Variants in INTS9 observed in about 807,000 individuals in gnomAD.
The protein encoded by INTS9 is integrator complex subunit 9.
In INTS9, 55 loss-of-function variants were observed where a neutral mutation model predicts 79.7. The ratio of observed to expected loss-of-function variants is 0.69; its 90% CI spans 0.56 to 0.86. INTS9 has a LOEUF of 0.86. Ranked by LOEUF, INTS9 falls within the 40% of genes least tolerant of loss-of-function variation. The pLI is 0.00. For missense variants in INTS9, 721 were observed against 831.5 expected, an observed-to-expected ratio of 0.87 and a Z score of 1.64; for synonymous variants, 319 against 325.2, an observed-to-expected ratio of 0.98 and a Z score of 0.20.
At chr8:28,887,140 G>A (rs1190065705) in intron 1 of INTS9, among the ~76,000 whole-genome samples, 1 of 152,176 alleles carries the variant, frequency 6.6e-6, no homozygotes, top group Admixed American at 6.5e-5. Context: ...CCCTGAAGAA[G>A]TGTTATTTAG....
intron 1 of INTS9, among the ~76,000 whole-genome samples, chr8:28,864,500 T>C (rs1318351076): frequency 1.3e-5 from 2 of 152,330 alleles, no homozygotes; most frequent in East Asian, 1.9e-4. Flanking sequence ...AAAAGTCAAA[T>C]AATTCATTGA....
intron 14 of INTS9, 128 bp downstream of exon 14, chr8:28,775,631 C>A (rs146188713): frequency 2.0e-6 from 2 of 1,008,826 alleles, no homozygotes; most frequent in African/African-American, 1.6e-5. Flanking sequence ...GGATTATAGG[C>A]GTGAGCTACT....
intron 11 of INTS9, among the ~76,000 whole-genome samples, chr8:28,786,766 A>G (rs192143): frequency 0.017 from 2,517 of 152,176 alleles, 20 homozygotes; most frequent in Non-Finnish European, 0.02. Context: ...GACCCAGGCT[A>G]GAGTGCAGTG....
chr8:28,837,775 G>A lies in INTS9; in HGVS notation c.263C>T (p.Thr88Met), dbSNP rs368909488. Residue 88 changes from threonine (T) to methionine (M), a missense_variant and splice_region_variant, in exon 5 of 17, where the codon ACG becomes ATG. Coordinates refer to ENST00000521022, the MANE Select transcript of INTS9 (RefSeq NM_018250.4). The stretch of plus-strand genomic sequence containing the variant: ...TACTGTAGACAGATCTATTAGCTCC[G>A]TCTGAAAAGAAAGGGAGGGAATGAT... ...DSVPEFCLPE[T>M]ELIDLSTVDV... The A allele has an allele frequency of 3.1e-5, 50 of 1,611,978 alleles. No homozygotes were observed. Among genetic ancestry groups the A allele is most frequent in the South Asian group, 1.8e-4 (16 of 90,940 alleles).
intron 1 of INTS9, among the ~76,000 whole-genome samples, chr8:28,881,839 C>T (rs1344719561): frequency 1.5e-4 from 21 of 138,740 alleles, no homozygotes; most frequent in African/African-American, 2.7e-4. Context: ...GTGGGGGGGT[C>T]AGCCCCCCGC....
chr8:28,771,292 C>A (rs1802524440), intron 14 of INTS9: 2 of 583,020 alleles, frequency 3.4e-6, no homozygotes, highest in African/African-American at 3.7e-5. Context: ...TCACCCTCAT[C>A]CCCTCTCCAG....
chr8:28,789,533 G>A (rs1446040264), intron 10 of INTS9, among the ~76,000 whole-genome samples: 1 of 147,670 alleles, frequency 6.8e-6, no homozygotes, highest in Non-Finnish European at 1.5e-5. Flanking sequence ...AATTGGGAAT[G>A]TGACAGACCC....
At chr8:28,857,463 G>C (rs369822202) in intron 2 of INTS9, among the ~76,000 whole-genome samples, 168 of 152,140 alleles carry the variant, frequency 1.1e-3, no homozygotes, top group African/African-American at 3.6e-3. Context: ...AGACTGGACA[G>C]GGTTTAGAAA....
intron 1 of INTS9, among the ~76,000 whole-genome samples, chr8:28,863,645 G>A (rs1431931717): frequency 1.3e-5 from 2 of 152,082 alleles, no homozygotes; most frequent in African/African-American, 4.8e-5. Flanking sequence ...GCATGGTGGC[G>A]AGTGCCTGTA....
At chr8:28,816,495 A>G (rs1659909459) in intron 6 of INTS9, among the ~76,000 whole-genome samples, 1 of 150,636 alleles carries the variant, frequency 6.6e-6, no homozygotes, top group Non-Finnish European at 1.5e-5. Context: ...ATCATTTTTT[A>G]TGGCTGCATA....
At chr8:28,868,481 G>C (rs1227001782) in intron 1 of INTS9, among the ~76,000 whole-genome samples, 2 of 152,080 alleles carry the variant, frequency 1.3e-5, no homozygotes, top group Non-Finnish European at 2.9e-5. Context: ...TAGTGTTAAT[G>C]AAGTAAGTTG....
chr8:28,870,062 C>G (rs1447035596), intron 1 of INTS9, among the ~76,000 whole-genome samples: 2 of 151,994 alleles, frequency 1.3e-5, no homozygotes, highest in African/African-American at 4.8e-5. Context: ...GCCTTCGGAA[C>G]CAACATGTTT....
intron 14 of INTS9, among the ~76,000 whole-genome samples, chr8:28,772,844 A>G (rs1411437290): frequency 6.6e-6 from 1 of 152,202 alleles, no homozygotes; most frequent in Non-Finnish European, 1.5e-5. Flanking sequence ...TTAAAATTAG[A>G]TAACAGTGTA....
chr8:28,769,696 G>T, intron 16 of INTS9, 193 bp downstream of exon 16: 1 of 655,828 alleles, frequency 1.5e-6, no homozygotes, highest in Non-Finnish European at 2.5e-6. Flanking sequence ...CTGGGAGGAA[G>T]GATGGGGCAC....
At chr8:28,840,581 G>T (rs542749754) in intron 4 of INTS9, among the ~76,000 whole-genome samples, 122 of 133,412 alleles carry the variant, frequency 9.1e-4, no homozygotes, top group Admixed American at 1.3e-3. Flanking sequence ...AGAAAATGTG[G>T]CACATATACA....
intron 1 of INTS9, among the ~76,000 whole-genome samples, chr8:28,878,426 C>T (rs535363599): frequency 6.6e-6 from 1 of 151,892 alleles, no homozygotes; most frequent in Non-Finnish European, 1.5e-5. Flanking sequence ...GGACCTCCTA[C>T]CTCAGCCTCT....
intron 1 of INTS9, among the ~76,000 whole-genome samples, chr8:28,863,377 C>A (rs1383814453): frequency 1.3e-5 from 2 of 152,166 alleles, no homozygotes; most frequent in Non-Finnish European, 2.9e-5. Flanking sequence ...CTCTCCATAT[C>A]CATGGCTTCT....
chr8:28,881,135 G>GC (rs547501405), intron 1 of INTS9, among the ~76,000 whole-genome samples: 6 of 147,378 alleles, frequency 4.1e-5, no homozygotes, highest in East Asian at 2.1e-4. Flanking sequence ...GGGGGGGTCA[G>GC]CCCCCCGCCC....
chr8:28,769,878 A>C lies in INTS9; in HGVS notation c.1800+11T>G. The C allele has an allele frequency of 6.2e-7, 1 of 1,613,460 alleles. No individual in the cohort carries two copies. Among genetic ancestry groups the C allele is most frequent in the Non-Finnish European group, 8.5e-7 (1 of 1,179,700 alleles). On this transcript the variant is annotated intron_variant, in intron 16 of 16. Transcript: ENST00000521022. ...TGTGGAGTTTTCACGGCACCAGCGA[A>C]ACCAGCTCACCTTCTCCAGGGTCTG...
Sources: allele counts gnomAD v4.1 joint callset (sites outside exome capture counted in the v4.1 genomes callset), GRCh38; gene constraint gnomAD v4.1.1; transcripts MANE v1.5; gene names NCBI Gene and HGNC (gene_info 2026-07-23, HGNC 2026-07-21).